Variants in SAMTOR observed in about 807,000 individuals in gnomAD.
SAMTOR encodes S-adenosylmethionine sensor upstream of mTORC1.
chr7:112,925,662 C>T, the SAMTOR span, among the ~76,000 whole-genome samples: 1,626 of 152,074 alleles, frequency 0.011, 30 homozygotes, highest in African/African-American at 0.037. Context: ...GGTGTGGTGG[C>T]GCATGCCTGT....
chr7:112,878,318 T>A, the SAMTOR span, among the ~76,000 whole-genome samples: 3 of 152,190 alleles, frequency 2.0e-5, no homozygotes, highest in Non-Finnish European at 4.4e-5. Context: ...TTATCCACTG[T>A]TGCTTTTGAA....
At chr7:112,835,991 G>T in the SAMTOR span, among the ~76,000 whole-genome samples, 5 of 152,192 alleles carry the variant, frequency 3.3e-5, no homozygotes, top group Admixed American at 6.5e-5. Context: ...AGTCCCTTGG[G>T]TGTATACCCA....
chr7:112,848,890 A>T, the SAMTOR span, among the ~76,000 whole-genome samples: 2 of 152,188 alleles, frequency 1.3e-5, no homozygotes, highest in African/African-American at 4.8e-5. Flanking sequence ...TCTACTAAAA[A>T]TACCAAAAAT....
the SAMTOR span, among the ~76,000 whole-genome samples, chr7:112,932,977 A>G: frequency 1.8e-4 from 27 of 152,356 alleles, no homozygotes; most frequent in South Asian, 4.1e-4. Context: ...GTACAACAGT[A>G]CTTCTGATTT....
the SAMTOR span, among the ~76,000 whole-genome samples, chr7:112,830,387 A>C: frequency 6.6e-6 from 1 of 152,248 alleles, no homozygotes; most frequent in East Asian, 1.9e-4. Flanking sequence ...TGAACTGTGA[A>C]ACTCTGATTC....
chr7:112,845,778 G>A, the SAMTOR span, among the ~76,000 whole-genome samples: 1 of 152,122 alleles, frequency 6.6e-6, no homozygotes, highest in Non-Finnish European at 1.5e-5. Context: ...AAAGACACAT[G>A]CACATGTATG....
the SAMTOR span, among the ~76,000 whole-genome samples, chr7:112,846,267 T>C: frequency 7.2e-4 from 108 of 149,904 alleles, no homozygotes; most frequent in South Asian, 5.9e-3. Context: ...AGCAAACTAA[T>C]GCAGAAACAG....
the SAMTOR span, among the ~76,000 whole-genome samples, chr7:112,915,637 AAT>A: frequency 6.6e-6 from 1 of 152,230 alleles, no homozygotes; most frequent in African/African-American, 2.4e-5. Context: ...TTTAAATAAA[AAT>A]AAAAATGTTT....
chr7:112,919,093 T>C, the SAMTOR span, among the ~76,000 whole-genome samples: 16 of 152,126 alleles, frequency 1.1e-4, no homozygotes, highest in African/African-American at 2.7e-4. Context: ...CTGCACCAAG[T>C]GGACCTAATA....
the SAMTOR span, among the ~76,000 whole-genome samples, chr7:112,880,148 C>T: frequency 1.3e-5 from 2 of 152,114 alleles, no homozygotes; most frequent in African/African-American, 4.8e-5. Flanking sequence ...TTCATTTATA[C>T]AGTCACATTA....
At chr7:112,899,774 T>C in the SAMTOR span, among the ~76,000 whole-genome samples, 4 of 126,790 alleles carry the variant, frequency 3.2e-5, no homozygotes, top group African/African-American at 1.1e-4. Context: ...AGATGACATA[T>C]TCAATGTGCT....
At chr7:112,895,243 A>G in the SAMTOR span, among the ~76,000 whole-genome samples, 1 of 151,086 alleles carries the variant, frequency 6.6e-6, no homozygotes, top group Non-Finnish European at 1.5e-5. Context: ...TATAACAATT[A>G]TATGTTATAT....
the SAMTOR span, among the ~76,000 whole-genome samples, chr7:112,902,417 A>AC: frequency 7.1e-5 from 5 of 70,768 alleles, 1 homozygote; most frequent in South Asian, 3.3e-3. Flanking sequence ...ACTCCGTCTC[A>AC]AAAAAAAAAA....
At chr7:112,840,707 T>C in the SAMTOR span, among the ~76,000 whole-genome samples, 18 of 151,892 alleles carry the variant, frequency 1.2e-4, no homozygotes, top group Admixed American at 1.2e-3. Context: ...GGCTAGTCTT[T>C]AAAGTTTCTA....
the SAMTOR span, among the ~76,000 whole-genome samples, chr7:112,825,573 G>A: frequency 6.6e-6 from 1 of 152,100 alleles, no homozygotes; most frequent in African/African-American, 2.4e-5. Flanking sequence ...GTTAGTTTTA[G>A]GAGCTTCTTT....
At chr7:112,931,422 G>A in the SAMTOR span, among the ~76,000 whole-genome samples, 1 of 151,878 alleles carries the variant, frequency 6.6e-6, no homozygotes, top group African/African-American at 2.4e-5. Flanking sequence ...ACATATCAAC[G>A]ATAAAAATAC....
the SAMTOR span, among the ~76,000 whole-genome samples, chr7:112,843,058 A>G: frequency 6.6e-6 from 1 of 152,072 alleles, no homozygotes; most frequent in Non-Finnish European, 1.5e-5. Flanking sequence ...ATTATAACTT[A>G]AATTCAGCAA....
the SAMTOR span, among the ~76,000 whole-genome samples, chr7:112,848,030 G>A: frequency 1.3e-5 from 2 of 152,118 alleles, no homozygotes; most frequent in Non-Finnish European, 2.9e-5. Context: ...GTGCATGCCT[G>A]TAGCCCTAGC....
the SAMTOR span, among the ~76,000 whole-genome samples, chr7:112,865,667 C>CATATATATTCATATATATTTTTTCATAT: frequency 1.1e-5 from 1 of 92,936 alleles, no homozygotes; most frequent in Non-Finnish European, 2.1e-5. Flanking sequence ...ATATTTCATA[C>CATATATATTCATATATATTTTTTCATAT]ATACATATAT....
Sources: allele counts gnomAD v4.1 joint callset (sites outside exome capture counted in the v4.1 genomes callset), GRCh38; gene constraint gnomAD v4.1.1; transcripts MANE v1.5; gene names NCBI Gene and HGNC (gene_info 2026-07-23, HGNC 2026-07-21).